CDH12: variants seen among roughly 807,000 people sequenced by gnomAD.
The protein encoded by CDH12 is cadherin-12.
Under a neutral mutation model 74.1 loss-of-function variants are expected in CDH12, and 41 were observed. That is an observed-to-expected ratio of 0.55 (90% CI 0.43 to 0.72). CDH12 has a LOEUF of 0.72. CDH12 is among the 30% of genes least tolerant of loss of function. The pLI, the probability that CDH12 is intolerant of heterozygous loss-of-function variation, is 0.00. For synonymous variants in CDH12, 399 were observed against 355.0 expected (o/e 1.12, Z -1.39); for missense variants, 945 against 977.2 (o/e 0.97, Z 0.44).
At chr5:22,228,856 ATAAT>A (rs1477702543) in intron 3 of CDH12, among the ~76,000 whole-genome samples, 2 of 152,162 alleles carry the variant, frequency 1.3e-5, no homozygotes, top group African/African-American at 4.8e-5. Flanking sequence ...TGAACATAAC[ATAAT>A]TAAAGATAAA....
intron 6 of CDH12, chr5:21,884,395 G>A (rs950808602): frequency 9.5e-7 from 1 of 1,048,994 alleles, no homozygotes; most frequent in Non-Finnish European, 1.5e-6. Flanking sequence ...CTTCAGAGAA[G>A]TCAGTTGGAG....
At position 22,572,444 on chromosome 5, in the gene CDH12, C is replaced by A. The variant is rs555074702; in HGVS notation, c.-522-67080G>T. 2.0e-5 allele frequency among the ~76,000 whole-genome samples: 3 copies of A among 152,168 alleles called. No individual in the cohort carries two copies. In the South Asian group the frequency reaches 6.2e-4, roughly 32 times the overall value. On this transcript the variant is annotated intron_variant, in intron 1 of 14. Coordinates refer to ENST00000382254, the MANE Select transcript of CDH12 (RefSeq NM_004061.5). ...GAAATTACTTATTTTATTTCTTTCA[C>A]AAAAGCAGTTAGTGGAAGGTAATTT...
chr5:22,310,282 G>A (rs1738327198), intron 3 of CDH12, among the ~76,000 whole-genome samples: 1 of 151,938 alleles, frequency 6.6e-6, no homozygotes, highest in Non-Finnish European at 1.5e-5. Context: ...CCAACATGGT[G>A]AAACCCCATC....
intron 3 of CDH12, among the ~76,000 whole-genome samples, chr5:22,320,986 T>C (rs900724014): frequency 6.6e-6 from 1 of 152,206 alleles, no homozygotes; most frequent in Non-Finnish European, 1.5e-5. Context: ...TAGTCCTATG[T>C]TGCTCTATGA....
intron 2 of CDH12, among the ~76,000 whole-genome samples, chr5:22,435,538 A>T (rs552261104): frequency 6.6e-6 from 1 of 151,442 alleles, no homozygotes; most frequent in Non-Finnish European, 1.5e-5. Context: ...ATACATATAT[A>T]CTATTAGTTC....
At chr5:22,114,020 CTTGGAGTTTCCACA>C (rs948861111) in intron 4 of CDH12, among the ~76,000 whole-genome samples, 1 of 152,138 alleles carries the variant, frequency 6.6e-6, no homozygotes, top group Non-Finnish European at 1.5e-5. Context: ...TAGCAGCTGG[CTTGGAGTTTCCACA>C]GAAGAGGTCT....
At chr5:22,513,360 T>G (rs187772161) in intron 1 of CDH12, among the ~76,000 whole-genome samples, 1 of 151,612 alleles carries the variant, frequency 6.6e-6, no homozygotes, top group Non-Finnish European at 1.5e-5. Context: ...GTGTGGAAAG[T>G]TGACAACAGG....
chr5:22,786,191 A>C (rs151073233), intron 1 of CDH12, among the ~76,000 whole-genome samples: 99 of 152,306 alleles, frequency 6.5e-4, no homozygotes, highest in African/African-American at 2.2e-3. Context: ...GGAGGACATG[A>C]TCCTTAGCAA....
intron 8 of CDH12, among the ~76,000 whole-genome samples, chr5:21,827,263 T>C (rs551101537): frequency 2.6e-5 from 4 of 152,224 alleles, no homozygotes; most frequent in African/African-American, 7.2e-5. Context: ...ATTCAGAAAA[T>C]TCAAAATTCT....
chr5:22,487,665 A>G (rs1490866288), intron 2 of CDH12, among the ~76,000 whole-genome samples: 1 of 152,234 alleles, frequency 6.6e-6, no homozygotes, highest in Admixed American at 6.5e-5. Flanking sequence ...CAATATCAAA[A>G]ATATTCATTG....
chr5:22,208,917 T>C (rs1331256621), intron 4 of CDH12, among the ~76,000 whole-genome samples: 1 of 152,242 alleles, frequency 6.6e-6, no homozygotes, highest in Non-Finnish European at 1.5e-5. Context: ...TTATACACAA[T>C]TAGGATAAGC....
At chr5:22,548,547 T>C (rs1176782267) in intron 1 of CDH12, among the ~76,000 whole-genome samples, 1 of 151,752 alleles carries the variant, frequency 6.6e-6, no homozygotes, top group Non-Finnish European at 1.5e-5. Flanking sequence ...CAAAAAGAGG[T>C]TGGTGAACTA....
chr5:22,039,289 T>C (rs1739410278), intron 5 of CDH12, among the ~76,000 whole-genome samples: 1 of 152,060 alleles, frequency 6.6e-6, no homozygotes, highest in African/African-American at 2.4e-5. Context: ...AGCTGGGCCC[T>C]GGTACCCAGG....
intron 3 of CDH12, among the ~76,000 whole-genome samples, chr5:22,266,960 A>G (rs1414764469): frequency 2.0e-5 from 3 of 152,132 alleles, no homozygotes; most frequent in African/African-American, 7.2e-5. Context: ...CCATCTCTAC[A>G]CTGTCCTGCA....
intron 2 of CDH12, among the ~76,000 whole-genome samples, chr5:22,468,072 AC>A (rs1745805449): frequency 6.6e-6 from 1 of 152,306 alleles, no homozygotes; most frequent in African/African-American, 2.4e-5. Context: ...GTGAATGAGG[AC>A]CCAATACCCC....
chr5:21,823,740 T>C (rs1748500862), intron 8 of CDH12, among the ~76,000 whole-genome samples: 2 of 152,130 alleles, frequency 1.3e-5, no homozygotes, highest in South Asian at 4.1e-4. Context: ...GTTGGTGACC[T>C]TGCCTTGTAG....
At chr5:22,489,968 C>G (rs1746793595) in intron 2 of CDH12, among the ~76,000 whole-genome samples, 1 of 152,076 alleles carries the variant, frequency 6.6e-6, no homozygotes, top group Admixed American at 6.6e-5. Flanking sequence ...GTGTGAGACA[C>G]AGTGAAATAT....
chr5:22,031,581 C>G (rs548512295), intron 5 of CDH12, among the ~76,000 whole-genome samples: 13 of 152,266 alleles, frequency 8.5e-5, no homozygotes, highest in African/African-American at 3.1e-4. Context: ...GGCTTCCTCA[C>G]TCAGCTTAAT....
At chr5:22,291,213 G>A (rs1198628927) in intron 3 of CDH12, among the ~76,000 whole-genome samples, 5 of 152,018 alleles carry the variant, frequency 3.3e-5, no homozygotes, top group Non-Finnish European at 5.9e-5. Context: ...TAAAATAAAT[G>A]TGTCTCAACA....
Sources: gnomAD v4.1 joint callset for allele counts (sites outside exome capture counted in the v4.1 genomes callset) on GRCh38, gnomAD v4.1.1 for gene constraint, MANE v1.5 for transcripts, NCBI Gene and HGNC (gene_info 2026-07-23, HGNC 2026-07-21) for gene names.